Variants in CNTN5 observed in about 807,000 individuals in gnomAD.
The protein encoded by CNTN5 is contactin-5.
Under a neutral mutation model 129.1 loss-of-function variants are expected in CNTN5, and 77 were observed. That is an observed-to-expected ratio of 0.60 (90% CI 0.50 to 0.72). The LOEUF (loss-of-function observed/expected upper bound fraction) is 0.72. Ranked by LOEUF, CNTN5 falls within the 30% of genes least tolerant of loss-of-function variation. The probability of loss-of-function intolerance (pLI) is 0.00; values close to 1 mark genes in which losing one functional copy is unlikely to be tolerated. For missense variants in CNTN5, 1,478 were observed against 1,328.8 expected, an observed-to-expected ratio of 1.11 and a Z score of -1.75; for synonymous variants, 509 against 465.6, an observed-to-expected ratio of 1.09 and a Z score of -1.20.
rs369846276 is a variant in CNTN5 at position 99,932,403 on chromosome 11, G to C, written c.673+16254G>C. ...AGACGGGGTTTCTCCATGTTGGCCA[G>C]GGTGGTCTTGAACTCCTGACCTCAG... is the stretch of plus-strand genomic sequence containing the variant. On this transcript the variant is annotated intron_variant, in intron 7 of 24. Coordinates refer to ENST00000524871, the MANE Select transcript of CNTN5 (RefSeq NM_014361.4). Among the ~76,000 whole-genome samples the C allele has an allele frequency of 1.5e-4, 23 of 152,190 alleles. No individual in the cohort carries two copies. The South Asian group carries it at 4.4e-3, about 29-fold the overall frequency.
At chr11:99,265,497 T>C (rs796899066) in intron 1 of CNTN5, among the ~76,000 whole-genome samples, 7 of 152,100 alleles carry the variant, frequency 4.6e-5, no homozygotes, top group East Asian at 1.9e-4. Context: ...TATTTGAAAA[T>C]TGGCATGATT....
At chr11:99,831,729 A>T (rs531575750) in intron 4 of CNTN5, among the ~76,000 whole-genome samples, 21 of 152,296 alleles carry the variant, frequency 1.4e-4, no homozygotes, top group African/African-American at 4.8e-4. Flanking sequence ...GCATGTCACA[A>T]TGTGATCGAG....
intron 19 of CNTN5, among the ~76,000 whole-genome samples, chr11:100,298,869 A>G (rs1012424861): frequency 4.6e-5 from 7 of 151,364 alleles, no homozygotes; most frequent in Non-Finnish European, 1.0e-4. Context: ...AAAGATCTTC[A>G]TTTCATATAC....
intron 2 of CNTN5, among the ~76,000 whole-genome samples, chr11:99,499,073 G>A (rs1035304587): frequency 1.7e-4 from 26 of 152,142 alleles, no homozygotes; most frequent in African/African-American, 5.8e-4. Context: ...TCAATCAAAA[G>A]CATTTTATCA....
intron 18 of CNTN5, among the ~76,000 whole-genome samples, chr11:100,275,879 T>C (rs1391705300): frequency 6.6e-6 from 1 of 152,184 alleles, no homozygotes; most frequent in Non-Finnish European, 1.5e-5. Flanking sequence ...AGCCAAGTGT[T>C]GAGTTATGTG....
intron 8 of CNTN5, among the ~76,000 whole-genome samples, chr11:99,983,115 A>G (rs928703495): frequency 1.5e-5 from 2 of 131,708 alleles, no homozygotes; most frequent in African/African-American, 3.0e-5. Flanking sequence ...CAAGTAAACA[A>G]CATTAAAATG....
At chr11:99,027,414 T>A (rs1863156500) in intron 1 of CNTN5, among the ~76,000 whole-genome samples, 1 of 151,598 alleles carries the variant, frequency 6.6e-6, no homozygotes, top group South Asian at 2.1e-4. Flanking sequence ...TTTAGAGCAT[T>A]TGATAATAAA....
intron 1 of CNTN5, among the ~76,000 whole-genome samples, chr11:99,237,595 C>T (rs1220660820): frequency 1.3e-5 from 2 of 152,074 alleles, no homozygotes; most frequent in African/African-American, 2.4e-5. Flanking sequence ...GCAGGGGAAT[C>T]GTTTGAACCC....
At chr11:99,336,495 C>CT (rs1204659822) in intron 2 of CNTN5, among the ~76,000 whole-genome samples, 2 of 152,004 alleles carry the variant, frequency 1.3e-5, no homozygotes, top group African/African-American at 2.4e-5. Context: ...ATAAAAGTGA[C>CT]TTTTTTTCTA....
chr11:99,845,519 C>T (rs2135700188), intron 6 of CNTN5, among the ~76,000 whole-genome samples: 1 of 151,122 alleles, frequency 6.6e-6, no homozygotes, highest in African/African-American at 2.4e-5. Flanking sequence ...ACTACAGGCG[C>T]CCGCCACTAC....
At chr11:99,702,562 G>A (rs1954570467) in intron 3 of CNTN5, among the ~76,000 whole-genome samples, 1 of 150,696 alleles carries the variant, frequency 6.6e-6, no homozygotes, top group Non-Finnish European at 1.5e-5. Flanking sequence ...TTTTCTAATT[G>A]AAAACTAGAT....
At chr11:99,331,443 T>C (rs1865995276) in intron 2 of CNTN5, among the ~76,000 whole-genome samples, 2 of 152,012 alleles carry the variant, frequency 1.3e-5, no homozygotes, top group African/African-American at 4.8e-5. Context: ...TGGTAATAAT[T>C]TAATTACCTC....
intron 7 of CNTN5, among the ~76,000 whole-genome samples, chr11:99,936,897 C>G (rs1443466043): frequency 6.6e-6 from 1 of 152,008 alleles, no homozygotes; most frequent in African/African-American, 2.4e-5. Context: ...ACAGGCAAGG[C>G]AGGGATATGT....
At chr11:99,619,003 A>G in intron 3 of CNTN5, among the ~76,000 whole-genome samples, 1 of 152,172 alleles carries the variant, frequency 6.6e-6, no homozygotes, top group East Asian at 1.9e-4. Context: ...GCACATCTAG[A>G]TCATGTAGTG....
At chr11:100,254,278 C>A (rs189649861) in intron 16 of CNTN5, among the ~76,000 whole-genome samples, 1 of 152,070 alleles carries the variant, frequency 6.6e-6, no homozygotes, top group Non-Finnish European at 1.5e-5. Flanking sequence ...GTTATATCCT[C>A]CAGCCCCCAA....
At chr11:100,142,020 C>G (rs1372947624) in intron 13 of CNTN5, among the ~76,000 whole-genome samples, 1 of 128,580 alleles carries the variant, frequency 7.8e-6, no homozygotes. Flanking sequence ...CAAGTTTACT[C>G]TCTCTTTCCT....
intron 1 of CNTN5, among the ~76,000 whole-genome samples, chr11:99,280,520 A>C (rs1863647129): frequency 6.6e-6 from 1 of 151,790 alleles, no homozygotes. Flanking sequence ...AATTGCCAGC[A>C]AGAAAAACAA....
chr11:99,611,429 A>G (rs148425729), intron 3 of CNTN5, among the ~76,000 whole-genome samples: 420 of 152,314 alleles, frequency 2.8e-3, no homozygotes, highest in African/African-American at 9.4e-3. Flanking sequence ...CTTACTAAAG[A>G]CGTACAATTA....
chr11:99,855,815 C>A (rs1000482778), intron 6 of CNTN5, among the ~76,000 whole-genome samples: 13 of 152,070 alleles, frequency 8.5e-5, no homozygotes, highest in African/African-American at 3.1e-4. Context: ...CTAAGTAAAC[C>A]ATTTTTATAT....
Sources: allele counts gnomAD v4.1 joint callset (sites outside exome capture counted in the v4.1 genomes callset), GRCh38; gene constraint gnomAD v4.1.1; transcripts MANE v1.5; gene names NCBI Gene and HGNC (gene_info 2026-07-23, HGNC 2026-07-21).